LRRFIP1: variants seen among roughly 807,000 people sequenced by gnomAD.
LRRFIP1 encodes the protein leucine-rich repeat flightless-interacting protein 1.
Under a neutral mutation model 104.4 loss-of-function variants are expected in LRRFIP1, and 62 were observed. The observed-to-expected ratio is 0.59, with a 90% confidence interval of 0.48 to 0.73. The LOEUF is 0.73. LRRFIP1 is among the 30% of genes least tolerant of loss of function. The probability of loss-of-function intolerance (pLI) is 0.00; values close to 1 mark genes in which losing one functional copy is unlikely to be tolerated. For missense variants in LRRFIP1, 796 were observed against 824.5 expected (o/e 0.97, Z 0.42); for synonymous variants, 300 against 299.0 (o/e 1.00, Z -0.03).
intron 2 of LRRFIP1, 110 bp from the exon 3 acceptor site, chr2:237,714,149 T>G: frequency 4.5e-6 from 3 of 664,204 alleles, no homozygotes; most frequent in Non-Finnish European, 7.8e-6. Context: ...TTTACTGTAT[T>G]CGTTGTGACT....
At chr2:237,705,918 G>A (rs937370549) in intron 1 of LRRFIP1, among the ~76,000 whole-genome samples, 1 of 152,230 alleles carries the variant, frequency 6.6e-6, no homozygotes, top group African/African-American at 2.4e-5. Flanking sequence ...CTTTCTCAAA[G>A]CCAGCAAGGA....
chr2:237,740,130 G>T lies in LRRFIP1; in HGVS notation c.633+821G>T, dbSNP rs982246640. ...TATCAAAATTTCCAGCCTGAGCTGGGTGTGGTGGCTCACATCTGTAATCCC... is the reference window on the plus strand; with the variant it reads ...TATCAAAATTTCCAGCCTGAGCTGGTTGTGGTGGCTCACATCTGTAATCCC... On this transcript the variant is annotated intron_variant, in intron 11 of 23. Coordinates refer to ENST00000308482, the MANE Select transcript of LRRFIP1 (RefSeq NM_001137550.2). Among the ~76,000 whole-genome samples the T allele has an allele frequency of 1.5e-4, 23 of 152,244 alleles. 1 individual carries two copies. The highest frequency in any genetic ancestry group is 5.3e-4 in the African/African-American group (22 of 41,538).
At chr2:237,704,025 C>T (rs549932308) in intron 1 of LRRFIP1, among the ~76,000 whole-genome samples, 1 of 152,208 alleles carries the variant, frequency 6.6e-6, no homozygotes, top group African/African-American at 2.4e-5. Context: ...CCCTGATCCC[C>T]GAGAACCCCT....
intron 16 of LRRFIP1, 100 bp from the exon 17 acceptor site, chr2:237,757,356 G>C: frequency 1.4e-6 from 1 of 708,538 alleles, no homozygotes; most frequent in South Asian, 1.8e-5. Flanking sequence ...AAGAGTGCTT[G>C]CGGCCTCACT....
At chr2:237,637,692 T>C (rs1321693998) in intron 1 of LRRFIP1, among the ~76,000 whole-genome samples, 1 of 152,014 alleles carries the variant, frequency 6.6e-6, no homozygotes, top group Non-Finnish European at 1.5e-5. Context: ...TATTACAAAC[T>C]CTCCATCCAC....
chr2:237,627,640 G>A lies in LRRFIP1; in HGVS notation c.-5G>A, dbSNP rs1251788826. On this transcript the variant is annotated 5_prime_UTR_variant, in exon 1 of 24. Coordinates refer to ENST00000308482, the MANE Select transcript of LRRFIP1 (RefSeq NM_001137550.2). ...GCCCCGCGGCAGCTGCGGGCGACGCGGTCGATGGACATGGGCACCCAGGGA... is the reference window on the plus strand; with the variant it reads ...GCCCCGCGGCAGCTGCGGGCGACGCAGTCGATGGACATGGGCACCCAGGGA... The A allele has an allele frequency of 7.6e-7, 1 of 1,317,368 alleles. No homozygotes were observed. The highest frequency in any genetic ancestry group is 2.8e-5 in the Admixed American group (1 of 35,256). The allele number at this position is 1,317,368 out of a possible 1,614,324, so 81.6% of individuals were successfully genotyped here.
chr2:237,689,048 G>A (rs529963382), intron 1 of LRRFIP1, among the ~76,000 whole-genome samples: 3 of 139,934 alleles, frequency 2.1e-5, no homozygotes, highest in Admixed American at 7.0e-5. Flanking sequence ...CTTGCTCTAC[G>A]TTGAAAAAAA....
intron 1 of LRRFIP1, among the ~76,000 whole-genome samples, chr2:237,698,935 G>T (rs533107525): frequency 1.3e-5 from 2 of 152,166 alleles, no homozygotes; most frequent in African/African-American, 4.8e-5. Context: ...ACATAATTTC[G>T]AGTCAATATA....
intron 1 of LRRFIP1, among the ~76,000 whole-genome samples, chr2:237,671,348 G>A (rs1396509863): frequency 6.6e-6 from 1 of 152,104 alleles, no homozygotes; most frequent in Non-Finnish European, 1.5e-5. Flanking sequence ...AAAACAAATC[G>A]GAGCACATCC....
rs138988013 is a variant in LRRFIP1, at chr2:237,713,039, G to A, written c.184-1220G>A. ...CAAGCCATCCCACCTGCATGCAGGC[G>A]TTTCTGAGCAGGCTCAGGGTTTTCT... On this transcript the variant is annotated intron_variant, in intron 2 of 23. Coordinates refer to ENST00000308482, the MANE Select transcript of LRRFIP1 (RefSeq NM_001137550.2). Among the ~76,000 whole-genome samples, 667 of 152,254 alleles carry A rather than the reference G, an allele frequency of 4.4e-3. 3 individuals are homozygous for A. The highest frequency in any genetic ancestry group is 6.7e-3 in the African/African-American group (277 of 41,536).
At chr2:237,776,601 A>G (rs1409147822) in intron 23 of LRRFIP1, among the ~76,000 whole-genome samples, 1 of 152,104 alleles carries the variant, frequency 6.6e-6, no homozygotes, top group East Asian at 1.9e-4. Flanking sequence ...TATTGATACT[A>G]GATGTTTAAA....
chr2:237,677,998 G>T (rs980834101), intron 1 of LRRFIP1, among the ~76,000 whole-genome samples: 1 of 152,186 alleles, frequency 6.6e-6, no homozygotes, highest in Non-Finnish European at 1.5e-5. Flanking sequence ...TGAGTCCATT[G>T]CGTCACCTCG....
chr2:237,779,611 G>A lies in LRRFIP1; in HGVS notation c.*79G>A, dbSNP rs906508002. ...GCTTTTCTCTGTCCTATCTGGGAGC[G>A]CTGCTTCTTCCCCTGCCTTCCGAGA... On this transcript the variant is annotated 3_prime_UTR_variant, in exon 24 of 24. Transcript: ENST00000308482. The A allele has an allele frequency of 8.8e-6, 11 of 1,249,410 alleles. No homozygotes were observed. The highest frequency in any genetic ancestry group is 5.0e-5 in the South Asian group (4 of 79,702). The allele number at this position is 1,249,410 out of a possible 1,614,324, so 77.4% of individuals were successfully genotyped here.
intron 11 of LRRFIP1, among the ~76,000 whole-genome samples, chr2:237,742,070 A>G (rs576535032): frequency 9.8e-5 from 15 of 152,312 alleles, no homozygotes; most frequent in African/African-American, 2.2e-4. Context: ...AAATGACACA[A>G]ATTTCTTTGT....
chr2:237,720,950 G>A (rs2094516557), intron 6 of LRRFIP1, 128 bp downstream of exon 6: 1 of 780,686 alleles, frequency 1.3e-6, no homozygotes, highest in African/African-American at 1.7e-5. Context: ...TAACCGATGA[G>A]ATGCTTACTT....
intron 19 of LRRFIP1, chr2:237,769,702 C>G (rs1400980112): frequency 2.0e-6 from 1 of 494,742 alleles, no homozygotes; most frequent in Non-Finnish European, 3.7e-6. Context: ...GATTAGCAGC[C>G]TGTTTGCATG....
intron 14 of LRRFIP1, among the ~76,000 whole-genome samples, chr2:237,751,928 G>T (rs1320740989): frequency 6.6e-6 from 1 of 152,228 alleles, no homozygotes; most frequent in Admixed American, 6.5e-5. Flanking sequence ...GGATCTGGAA[G>T]TGGGTGGCGT....
In LRRFIP1 at chr2:237,753,274, A is replaced by G. The variant is rs1224713160; in HGVS notation, c.868-35A>G. The G allele has an allele frequency of 1.2e-5, 18 of 1,510,338 alleles. No homozygotes were observed. In the Admixed American group the frequency reaches 3.5e-4, roughly 29 times the overall value. 93.6% of individuals were successfully genotyped at this position (1,510,338 alleles called of 1,614,324 possible). ...AATGATTCTTTGTTTTGATTTTTTT[A>G]TTGCAATTTCAAAAATATGACCTGC... On this transcript the variant is annotated intron_variant, in intron 14 of 23. Coordinates refer to ENST00000308482, the MANE Select transcript of LRRFIP1 (RefSeq NM_001137550.2).
chr2:237,726,643 C>G (rs1195507232), intron 7 of LRRFIP1, among the ~76,000 whole-genome samples: 1 of 152,220 alleles, frequency 6.6e-6, no homozygotes, highest in Non-Finnish European at 1.5e-5. Context: ...CTTAAGGTCA[C>G]ATGACGGAGC....
Sources: allele counts gnomAD v4.1 joint callset (sites outside exome capture counted in the v4.1 genomes callset), GRCh38; gene constraint gnomAD v4.1.1; transcripts MANE v1.5; gene names NCBI Gene and HGNC (gene_info 2026-07-23, HGNC 2026-07-21).